The following SH3BGRL variants were observed in gnomAD, a reference collection of about 807,000 sequenced individuals.
SH3BGRL encodes adapter SH3BGRL.
A neutral mutation model predicts 9.8 loss-of-function variants in SH3BGRL; 7 were observed. That is an observed-to-expected ratio of 0.72 (90% CI 0.41 to 1.35). The LOEUF (loss-of-function observed/expected upper bound fraction) is 1.35. SH3BGRL is among the 40% of genes most tolerant of loss of function. SH3BGRL has a pLI of 0.01. For synonymous variants in SH3BGRL, 36 were observed against 29.1 expected (o/e 1.24, Z -0.76); for missense variants, 73 against 84.4 (o/e 0.86, Z 0.53).
At chrX:81,205,504 G>GTGTA (rs1359477949) in intron 1 of SH3BGRL, among the ~76,000 whole-genome samples, 76 of 85,147 alleles carry the variant, frequency 8.9e-4, no homozygotes, top group African/African-American at 2.2e-3. Flanking sequence ...GTGTGTGTGT[G>GTGTA]TATATATATA....
At chrX:81,275,049 T>C (rs1228553894) in intron 1 of SH3BGRL, among the ~76,000 whole-genome samples, 2 of 111,432 alleles carry the variant, frequency 1.8e-5, no homozygotes, top group Non-Finnish European at 3.8e-5. Context: ...TACACTATCA[T>C]GCCTAGTGAT....
chrX:81,215,135 A>C (rs1158155448), intron 1 of SH3BGRL, among the ~76,000 whole-genome samples: 3 of 110,271 alleles, frequency 2.7e-5, no homozygotes, highest in African/African-American at 9.9e-5. Flanking sequence ...CATATCAATG[A>C]CATTATTCAA....
At chrX:81,282,994 C>T (rs994860508) in intron 3 of SH3BGRL, among the ~76,000 whole-genome samples, 9 of 112,052 alleles carry the variant, frequency 8.0e-5, no homozygotes, top group African/African-American at 2.9e-4. Context: ...AATATTATAA[C>T]TGACACCACT....
In SH3BGRL at chrX:81,277,266, A is replaced by G. The variant is rs775985101; in HGVS notation, c.231+97A>G. The G allele has an allele frequency of 3.3e-5, 23 of 691,322 alleles. No individual in the cohort carries two copies. The South Asian group carries it at 5.6e-4, about 17-fold the overall frequency. 57.0% of individuals were successfully genotyped at this position (691,322 alleles called of 1,213,427 possible). ...CCTCCAAGCCTGCATATATATAGTC[A>G]TATCTCTTGCATATAGTCATTTGTC... On this transcript the variant is annotated intron_variant, in intron 2 of 3. Transcript: ENST00000373212.
intron 1 of SH3BGRL, among the ~76,000 whole-genome samples, chrX:81,270,391 G>T (rs913023118): frequency 8.9e-6 from 1 of 111,810 alleles, no homozygotes; most frequent in Non-Finnish European, 1.9e-5. Context: ...CTGATCTATG[G>T]ATGTGGTTTT....
intron 1 of SH3BGRL, among the ~76,000 whole-genome samples, chrX:81,237,984 C>T (rs1347532681): frequency 1.8e-5 from 2 of 108,632 alleles, no homozygotes; most frequent in Non-Finnish European, 3.8e-5. Context: ...CTAGACATAC[C>T]CTGGGCCAGA....
chrX:81,223,032 T>C (rs1045427818), intron 1 of SH3BGRL, among the ~76,000 whole-genome samples: 4 of 112,031 alleles, frequency 3.6e-5, no homozygotes, highest in African/African-American at 6.5e-5. Context: ...TTGTTTTTTT[T>C]CTTGTAAATT....
chrX:81,288,283 A>T (rs1253243931), intron 3 of SH3BGRL, among the ~76,000 whole-genome samples: 1 of 112,206 alleles, frequency 8.9e-6, no homozygotes, highest in African/African-American at 3.2e-5. Flanking sequence ...TAGAAGGAAC[A>T]TACTTCAACA....
At chrX:81,275,354 C>A (rs2075795515) in intron 1 of SH3BGRL, among the ~76,000 whole-genome samples, 2 of 111,458 alleles carry the variant, frequency 1.8e-5, no homozygotes, top group East Asian at 5.6e-4. Flanking sequence ...CTGCTTCAGC[C>A]TCCCAAAATG....
intron 1 of SH3BGRL, among the ~76,000 whole-genome samples, chrX:81,224,981 A>C (rs1003016844): frequency 2.7e-5 from 3 of 110,684 alleles, no homozygotes; most frequent in Non-Finnish European, 5.7e-5. Context: ...CTTTTCTAAA[A>C]AAAAGGTGAT....
At chrX:81,290,756 A>G (rs2075855327) in intron 3 of SH3BGRL, among the ~76,000 whole-genome samples, 1 of 111,379 alleles carries the variant, frequency 9.0e-6, no homozygotes, top group Admixed American at 9.5e-5. Flanking sequence ...AACAATACAT[A>G]TTGGAGTTAT....
At chrX:81,215,349 C>G (rs929096455) in intron 1 of SH3BGRL, among the ~76,000 whole-genome samples, 1 of 111,033 alleles carries the variant, frequency 9.0e-6, no homozygotes, top group Non-Finnish European at 1.9e-5. Context: ...ATAGGTCCTG[C>G]CGATTCTGAA....
chrX:81,268,441 A>G (rs1286404360), intron 1 of SH3BGRL, among the ~76,000 whole-genome samples: 2 of 111,810 alleles, frequency 1.8e-5, no homozygotes, highest in African/African-American at 3.3e-5. Flanking sequence ...CTTGGTTTCA[A>G]AGAACATCTT....
At chrX:81,261,839 G>A (rs1349758540) in intron 1 of SH3BGRL, among the ~76,000 whole-genome samples, 20 of 111,336 alleles carry the variant, frequency 1.8e-4, no homozygotes, top group Non-Finnish European at 3.6e-4. Flanking sequence ...ACAGGCGTTA[G>A]TACTTAAAGG....
At chrX:81,283,905 T>C (rs148935969) in intron 3 of SH3BGRL, among the ~76,000 whole-genome samples, 27 of 111,246 alleles carry the variant, frequency 2.4e-4, no homozygotes, top group African/African-American at 8.8e-4. Flanking sequence ...GATAGGATCA[T>C]TTATCTTGAA....
chrX:81,259,877 CTT>C (rs371859672), intron 1 of SH3BGRL, among the ~76,000 whole-genome samples: 4 of 111,944 alleles, frequency 3.6e-5, no homozygotes, highest in African/African-American at 1.3e-4. Context: ...GGAGATAGGA[CTT>C]TATTTTGGTA....
intron 1 of SH3BGRL, among the ~76,000 whole-genome samples, chrX:81,269,126 G>C (rs1461379118): frequency 9.0e-6 from 1 of 111,045 alleles, no homozygotes; most frequent in Non-Finnish European, 1.9e-5. Context: ...ATGTGAGATG[G>C]GTCTCCTGAA....
At chrX:81,242,466 A>C (rs773361889) in intron 1 of SH3BGRL, among the ~76,000 whole-genome samples, 3 of 112,352 alleles carry the variant, frequency 2.7e-5, no homozygotes, top group Non-Finnish European at 5.6e-5. Flanking sequence ...ACAAGACACT[A>C]CTACAAGAAA....
chrX:81,244,079 TGA>T (rs1322921446), intron 1 of SH3BGRL, among the ~76,000 whole-genome samples: 2 of 112,066 alleles, frequency 1.8e-5, no homozygotes, highest in African/African-American at 6.5e-5. Flanking sequence ...TCATCTTTAT[TGA>T]GTTATTTTTT....
Sources: gnomAD v4.1 joint callset for allele counts (sites outside exome capture counted in the v4.1 genomes callset) on GRCh38, gnomAD v4.1.1 for gene constraint, MANE v1.5 for transcripts, NCBI Gene and HGNC (gene_info 2026-07-23, HGNC 2026-07-21) for gene names.